Variants in KDM5D observed in about 807,000 individuals in gnomAD.
The protein encoded by KDM5D is lysine-specific demethylase 5D.
Under a neutral mutation model 31.9 loss-of-function variants are expected in KDM5D, and 25 were observed. The ratio of observed to expected loss-of-function variants is 0.78; its 90% CI spans 0.57 to 1.09. The LOEUF is 1.09. Among genes scored for constraint, KDM5D ranks in the 50% least tolerant of loss-of-function variants. The pLI, the probability that KDM5D is intolerant of heterozygous loss-of-function variation, is 0.00. For synonymous variants in KDM5D, 146 were observed against 122.3 expected (o/e 1.19, Z -1.28); for missense variants, 366 against 341.6 (o/e 1.07, Z -0.56).
Position 19,715,743 on chromosome Y carries a change from G to A in KDM5D, c.2214-4C>T. ...CTCATCCAAGGTGTACCGATACCTA[G>A]AGGAAGAAAGCCGGGAAGGGTACAC... On this transcript the variant is annotated splice_polypyrimidine_tract_variant and splice_region_variant and intron_variant, in intron 16 of 26. Transcript: ENST00000317961. 2.5e-6 allele frequency: 1 copy of A among 398,363 alleles called. No individual in the cohort carries two copies. Among genetic ancestry groups the A allele is most frequent in the South Asian group, 3.0e-5 (1 of 33,735 alleles).
chrY:19,742,507 T>C, intron 3 of KDM5D, among the ~76,000 whole-genome samples: 1 of 34,411 alleles, frequency 2.9e-5, no homozygotes, highest in Non-Finnish European at 7.3e-5. Flanking sequence ...TTGTCTGAAC[T>C]CTGCTTCTGT....
At chrY:19,708,790 C>T in intron 21 of KDM5D, 85 bp downstream of exon 21, 1 of 310,414 alleles carries the variant, frequency 3.2e-6, no homozygotes, top group Non-Finnish European at 4.8e-6. Flanking sequence ...TCTAGCACAA[C>T]CCAACCGAGT....
chrY:19,737,967 T>C (rs772651280), intron 6 of KDM5D, among the ~76,000 whole-genome samples: 32 of 32,231 alleles, frequency 9.9e-4, no homozygotes, highest in African/African-American at 3.8e-3. Flanking sequence ...AGGATTACAA[T>C]TGCCTGCGAC....
chrY:19,707,118 G>A (rs772960932), intron 24 of KDM5D, 29 bp downstream of exon 24: 1 of 392,783 alleles, frequency 2.5e-6, no homozygotes. Flanking sequence ...ACAGAAATAT[G>A]AGGACAATGG....
intron 13 of KDM5D, among the ~76,000 whole-genome samples, chrY:19,718,048 A>G (rs2045361635): frequency 2.9e-5 from 1 of 34,421 alleles, no homozygotes; most frequent in Non-Finnish European, 7.3e-5. Context: ...CCATACAAAA[A>G]GAGGTAGAAA....
chrY:19,735,910 T>C (rs35775622), intron 6 of KDM5D, among the ~76,000 whole-genome samples, 160 bp from the exon 7 acceptor site: 1 of 34,101 alleles, frequency 2.9e-5, no homozygotes, highest in African/African-American at 1.1e-4. Flanking sequence ...GAGTGTGGTA[T>C]GGCCAGGTAG....
At chrY:19,715,566 G>C in intron 17 of KDM5D, 49 bp downstream of exon 17, 1 of 395,950 alleles carries the variant, frequency 2.5e-6, no homozygotes, top group Non-Finnish European at 3.5e-6. Flanking sequence ...ATACCCAAAA[G>C]AAAGAAATAA....
intron 19 of KDM5D, chrY:19,710,092 TCAAC>T: frequency 2.8e-6 from 1 of 360,221 alleles, no homozygotes; most frequent in Non-Finnish European, 3.8e-6. Context: ...TGGAGGGAAA[TCAAC>T]CAACCAACCA....
In KDM5D at chrY:19,708,006, C is replaced by T; in HGVS notation, c.3327G>A (p.Ala1109=). The change falls in exon 23 of 27, where the codon GCG becomes GCA. Residue 1109 remains alanine, a synonymous_variant. Transcript: ENST00000317961. ...CTGTGTCACACTGGTACAACCCCAG[C>T]GCCTTCTCCATCCACCGGCTACGCT... is the stretch of plus-strand genomic sequence containing the variant. The part of the protein sequence containing the change: ...STKRSRWMEK[A]LGLYQCDTEL... The T allele has an allele frequency of 2.5e-6, 1 of 396,870 alleles. No individual in the cohort carries two copies. Among genetic ancestry groups the T allele is most frequent in the South Asian group, 3.0e-5 (1 of 33,387 alleles).
chrY:19,744,670 C>T lies in KDM5D; in HGVS notation c.-20+1G>A. On this transcript the variant is annotated splice_donor_variant, in intron 1 of 26. Coordinates refer to ENST00000317961, the MANE Select transcript of KDM5D (RefSeq NM_004653.5). LOFTEE classifies it low-confidence loss of function (5UTR_SPLICE). ...GTTACTTTAATCCCGTAGCTGCTTA[C>T]CAATCGTCAGGGATCCTAGTTTTAC... 1 of 159,069 alleles carries T rather than the reference C, an allele frequency of 6.3e-6. No individual in the cohort carries two copies. Among genetic ancestry groups the T allele is most frequent in the Admixed American group, 1.2e-4 (1 of 8,018 alleles). 39.7% of individuals were successfully genotyped at this position (159,069 alleles called of 400,897 possible).
At position 19,706,257 on chromosome Y, in the gene KDM5D, T is replaced by C; in HGVS notation, c.4358A>G (p.Asn1453Ser). The change falls in exon 27 of 27, where the codon AAC (asparagine) becomes AGC (serine). Residue 1453 changes from asparagine to serine, a missense_variant. Transcript: ENST00000317961. ...RRRQKVDQGR[N>S]VENLVQQELQ... ...CTCCTGTTGAACAAGATTCTCAACG[T>C]TTCTACCCTGATCCACCTTCTGCCG... 2.5e-6 allele frequency: 1 copy of C among 396,625 alleles called. No individual in the cohort carries two copies. Among genetic ancestry groups the C allele is most frequent in the Non-Finnish European group, 3.5e-6 (1 of 282,562 alleles).
intron 8 of KDM5D, among the ~76,000 whole-genome samples, chrY:19,734,487 G>T: frequency 5.9e-5 from 2 of 33,878 alleles, no homozygotes; most frequent in Non-Finnish European, 1.5e-4. Flanking sequence ...TTGTGTATGG[G>T]TGATACACAG....
intron 6 of KDM5D, among the ~76,000 whole-genome samples, chrY:19,738,641 C>T: frequency 3.0e-5 from 1 of 33,789 alleles, no homozygotes; most frequent in African/African-American, 1.2e-4. Context: ...CTGGTTATGA[C>T]AGATTGTCCT....
intron 6 of KDM5D, among the ~76,000 whole-genome samples, chrY:19,737,004 T>G: frequency 3.0e-5 from 1 of 33,337 alleles, no homozygotes; most frequent in African/African-American, 1.2e-4. Flanking sequence ...GCCTTTCACC[T>G]TACCTTTTAC....
chrY:19,724,780 T>A, intron 11 of KDM5D, among the ~76,000 whole-genome samples: 1 of 33,113 alleles, frequency 3.0e-5, no homozygotes, highest in Non-Finnish European at 7.4e-5. Flanking sequence ...TCAAATTGTC[T>A]CTGTTTGCAG....
At position 19,707,695 on chromosome Y, in the gene KDM5D, G is replaced by C; in HGVS notation, c.3451C>G (p.Leu1151Val). 9 of 396,672 alleles carry C rather than the reference G, an allele frequency of 2.3e-5. No individual in the cohort carries two copies. The highest frequency in any genetic ancestry group is 3.2e-5 in the Non-Finnish European group (9 of 282,291). The change falls in exon 24 of 27, where the codon CTG (leucine) becomes GTG (valine). Residue 1151 changes from leucine to valine, a missense_variant. Coordinates refer to ENST00000317961, the MANE Select transcript of KDM5D (RefSeq NM_004653.5). The part of the protein sequence containing the change: ...EQKEKEGILQ[L>V]RRTNSAKPSP... ...GGCTTGGCTGAGTTGGTGCGACGCA[G>C]CTGCAGGATACCCTCCTTCTCCTTC...
Position 19,735,435 on chromosome Y carries a change from T to C in KDM5D, c.850A>G (p.Thr284Ala), listed in dbSNP as rs372522294. ...AGGCTCAAGTGCTGCTTGAGCAATG[T>C]TGATGACACGTTCCCACCTCCACTT... ...EQSGGGNVSS[T>A]LLKQHLSLEP... Residue 284 changes from threonine to alanine, a missense_variant, in exon 8 of 27, where the codon ACA becomes GCA. Coordinates refer to ENST00000317961, the MANE Select transcript of KDM5D (RefSeq NM_004653.5). 1.4e-3 allele frequency: 548 copies of C among 396,173 alleles called. No homozygotes were observed. The East Asian group carries it at 0.05, about 36-fold the overall frequency.
intron 5 of KDM5D, among the ~76,000 whole-genome samples, chrY:19,740,490 G>C (rs2045541747): frequency 3.0e-5 from 1 of 32,964 alleles, no homozygotes; most frequent in Admixed American, 2.8e-4. Context: ...CTTCAATCCA[G>C]GAGGTGGAGG....
At chrY:19,742,922 C>A (rs2045563803) in intron 3 of KDM5D, among the ~76,000 whole-genome samples, 1 of 33,612 alleles carries the variant, frequency 3.0e-5, no homozygotes, top group Admixed American at 2.7e-4. Context: ...TATTGAACAG[C>A]GAAACAATGC....
Sources: gnomAD v4.1 joint callset for allele counts (sites outside exome capture counted in the v4.1 genomes callset) on GRCh38, gnomAD v4.1.1 for gene constraint, MANE v1.5 for transcripts, NCBI Gene and HGNC (gene_info 2026-07-23, HGNC 2026-07-21) for gene names.